Variants in FUBP3 observed in about 807,000 individuals in gnomAD.
FUBP3 encodes the protein far upstream element-binding protein 3.
In FUBP3, 28 loss-of-function variants were observed where a neutral mutation model predicts 85.6. That is an observed-to-expected ratio of 0.33 (90% CI 0.24 to 0.45). The LOEUF (loss-of-function observed/expected upper bound fraction) is 0.45. Ranked by LOEUF, FUBP3 falls within the 20% of genes least tolerant of loss-of-function variation. The pLI is 1.00. For missense variants in FUBP3, 583 were observed against 755.1 expected (o/e 0.77, Z 2.67); for synonymous variants, 271 against 271.4 (o/e 1.00, Z 0.01).
chr9:130,624,651 GTT>G (rs1491485430), intron 11 of FUBP3, among the ~76,000 whole-genome samples: 34 of 134,608 alleles, frequency 2.5e-4, no homozygotes, highest in African/African-American at 5.6e-4. Context: ...GTGTGTGTGT[GTT>G]TTTAAGCTCA....
chr9:130,636,293 C>T (rs1830416778), intron 18 of FUBP3, 167 bp downstream of exon 18: 2 of 737,680 alleles, frequency 2.7e-6, no homozygotes, highest in East Asian at 2.7e-5. Context: ...GCTCCAGCCC[C>T]TCTGTCCCTC....
chr9:130,609,636 A>G (rs1831643738), intron 2 of FUBP3, among the ~76,000 whole-genome samples: 1 of 152,226 alleles, frequency 6.6e-6, no homozygotes, highest in African/African-American at 2.4e-5. Context: ...GTTTGGATCC[A>G]GAGCAGGAGG....
intron 2 of FUBP3, among the ~76,000 whole-genome samples, chr9:130,603,612 G>T (rs1003456506): frequency 6.6e-6 from 1 of 152,124 alleles, no homozygotes; most frequent in East Asian, 1.9e-4. Context: ...ACTGGTTGGT[G>T]GACAGTTGGC....
intron 1 of FUBP3, among the ~76,000 whole-genome samples, chr9:130,582,700 G>A (rs751517614): frequency 1.3e-5 from 2 of 152,162 alleles, no homozygotes; most frequent in Non-Finnish European, 2.9e-5. Context: ...ACCTCTGGAT[G>A]AGTAGATCCA....
intron 5 of FUBP3, among the ~76,000 whole-genome samples, chr9:130,613,336 G>GC (rs1382690747): frequency 6.6e-6 from 1 of 152,198 alleles, no homozygotes; most frequent in Non-Finnish European, 1.5e-5. Context: ...AGACATAGTG[G>GC]CATAGTGGGG....
At chr9:130,601,596 T>A (rs1298031659) in intron 2 of FUBP3, among the ~76,000 whole-genome samples, 1 of 152,066 alleles carries the variant, frequency 6.6e-6, no homozygotes, top group African/African-American at 2.4e-5. Flanking sequence ...GTCTTTGCTA[T>A]TTATGTAGCA....
chr9:130,607,610 C>A (rs144510190), intron 2 of FUBP3, among the ~76,000 whole-genome samples: 1,603 of 152,208 alleles, frequency 0.011, 32 homozygotes, highest in African/African-American at 0.037. Flanking sequence ...CTCCTCATTG[C>A]GAAGACTGAG....
At chr9:130,599,860 G>C (rs10793945) in intron 2 of FUBP3, among the ~76,000 whole-genome samples, 107,214 of 151,948 alleles carry the variant, frequency 0.71, 39,008 homozygotes, top group East Asian at 0.93. Flanking sequence ...TGCAGATCTT[G>C]CAACCTGGCC....
intron 13 of FUBP3, 154 bp from the exon 14 acceptor site, chr9:130,631,403 G>C: frequency 7.7e-7 from 1 of 1,301,968 alleles, no homozygotes; most frequent in Non-Finnish European, 1.0e-6. Context: ...AGCGCAGCCT[G>C]CTGTGGGAAG....
At chr9:130,605,733 C>T (rs1366768287) in intron 2 of FUBP3, among the ~76,000 whole-genome samples, 1 of 152,152 alleles carries the variant, frequency 6.6e-6, no homozygotes, top group Non-Finnish European at 1.5e-5. Context: ...CCTGTAATCC[C>T]AGCACTTTGG....
At chr9:130,611,210 T>C (rs1479190203) in intron 3 of FUBP3, among the ~76,000 whole-genome samples, 2 of 152,208 alleles carry the variant, frequency 1.3e-5, no homozygotes, top group African/African-American at 4.8e-5. Flanking sequence ...AGACAGCTCA[T>C]GCTACACATG....
chr9:130,633,327 C>T (rs571824791), intron 16 of FUBP3, among the ~76,000 whole-genome samples: 11 of 152,378 alleles, frequency 7.2e-5, no homozygotes, highest in Admixed American at 7.2e-4. Flanking sequence ...TCCCACCATC[C>T]ATCCCCTTTC....
intron 18 of FUBP3, 42 bp downstream of exon 18, chr9:130,636,168 C>T (rs372865671): frequency 1.5e-5 from 24 of 1,596,052 alleles, no homozygotes; most frequent in East Asian, 4.5e-5. Context: ...TCCCTAGCCC[C>T]GAGCCCCTGC....
chr9:130,605,984 A>AAAC (rs746902533), intron 2 of FUBP3, among the ~76,000 whole-genome samples: 6 of 152,180 alleles, frequency 3.9e-5, no homozygotes, highest in Non-Finnish European at 7.3e-5. Flanking sequence ...ACTCTGTCTC[A>AAAC]AACAACAACA....
chr9:130,631,485 C>T (rs982477398), intron 13 of FUBP3, 72 bp from the exon 14 acceptor site: 14 of 1,442,480 alleles, frequency 9.7e-6, no homozygotes, highest in Middle Eastern at 1.9e-4. Flanking sequence ...GGCTTTGCCT[C>T]GGGGTGGGCC....
At chr9:130,626,904 G>A (rs891389065) in intron 12 of FUBP3, among the ~76,000 whole-genome samples, 1 of 152,198 alleles carries the variant, frequency 6.6e-6, no homozygotes, top group Admixed American at 6.5e-5. Flanking sequence ...CTTCTCGACA[G>A]TGTGTCACTT....
At chr9:130,620,532 T>G in intron 9 of FUBP3, 74 bp downstream of exon 9, 1 of 704,398 alleles carries the variant, frequency 1.4e-6, no homozygotes, top group South Asian at 2.0e-5. Flanking sequence ...TGTTAGCTCT[T>G]TAACCCTGAG....
chr9:130,636,591 G>A (rs968897165), intron 18 of FUBP3, among the ~76,000 whole-genome samples: 4 of 152,246 alleles, frequency 2.6e-5, no homozygotes, highest in Admixed American at 1.3e-4. Flanking sequence ...TTCCTCTCCT[G>A]TGCACAACCT....
At chr9:130,598,254 A>G (rs891841876) in intron 2 of FUBP3, among the ~76,000 whole-genome samples, 3 of 152,228 alleles carry the variant, frequency 2.0e-5, no homozygotes, top group African/African-American at 7.2e-5. Flanking sequence ...AGAGGGTTTC[A>G]TTTGCAAATA....
Sources: gnomAD v4.1 joint callset for allele counts (sites outside exome capture counted in the v4.1 genomes callset) on GRCh38, gnomAD v4.1.1 for gene constraint, MANE v1.5 for transcripts, NCBI Gene and HGNC (gene_info 2026-07-23, HGNC 2026-07-21) for gene names.